DIP2B: variants seen among roughly 807,000 people sequenced by gnomAD.
DIP2B encodes DIP2 acetate--CoA ligase B (putative).
DIP2B carries 76 observed loss-of-function variants against 198.0 expected under a neutral mutation model. The ratio of observed to expected loss-of-function variants is 0.38; its 90% CI spans 0.32 to 0.46. The LOEUF is 0.46. Ranked by LOEUF, DIP2B falls within the 20% of genes least tolerant of loss-of-function variation. DIP2B has a pLI of 0.99. For synonymous variants in DIP2B, 701 were observed against 739.1 expected, an observed-to-expected ratio of 0.95 and a Z score of 0.84; for missense variants, 1,559 against 1,978.4, an observed-to-expected ratio of 0.79 and a Z score of 4.02.
chr12:50,709,522 C>T (rs1391875800), intron 22 of DIP2B, among the ~76,000 whole-genome samples: 1 of 151,934 alleles, frequency 6.6e-6, no homozygotes, highest in Non-Finnish European at 1.5e-5. Context: ...TCTGTAGTCC[C>T]AGCTACTCGG....
At chr12:50,520,007 G>T (rs1958101624) in intron 1 of DIP2B, among the ~76,000 whole-genome samples, 2 of 145,092 alleles carry the variant, frequency 1.4e-5, no homozygotes, top group South Asian at 4.3e-4. Flanking sequence ...AAATTTTATA[G>T]TGCTGACCAG....
At chr12:50,670,989 G>A (rs1938842365) in intron 4 of DIP2B, among the ~76,000 whole-genome samples, 197 bp from the exon 5 acceptor site, 1 of 152,230 alleles carries the variant, frequency 6.6e-6, no homozygotes, top group Non-Finnish European at 1.5e-5. Context: ...TACCTATGGA[G>A]TTAGGCTATT....
At chr12:50,644,177 G>C (rs1020527248) in intron 3 of DIP2B, among the ~76,000 whole-genome samples, 6 of 152,108 alleles carry the variant, frequency 3.9e-5, no homozygotes, top group Non-Finnish European at 5.9e-5. Flanking sequence ...TTGTGCTTTA[G>C]CCAAGAGGGA....
intron 37 of DIP2B, chr12:50,743,719 T>A (rs1403029107): frequency 1.3e-5 from 2 of 152,194 alleles, no homozygotes; most frequent in Non-Finnish European, 2.9e-5. Context: ...AAAGCTCTTA[T>A]GGGGCAAATA....
At chr12:50,646,632 G>A (rs1445643475) in intron 3 of DIP2B, among the ~76,000 whole-genome samples, 3 of 152,116 alleles carry the variant, frequency 2.0e-5, no homozygotes, top group Admixed American at 2.0e-4. Flanking sequence ...GTGTTGGCCA[G>A]GCTGGCCTCA....
intron 1 of DIP2B, among the ~76,000 whole-genome samples, chr12:50,545,690 T>TC (rs1329314698): frequency 1.3e-5 from 2 of 151,210 alleles, no homozygotes; most frequent in Admixed American, 1.3e-4. Context: ...TTTTTTTTTT[T>TC]CATAACGCTA....
chr12:50,711,568 G>C (rs1338916722), intron 22 of DIP2B, among the ~76,000 whole-genome samples: 1 of 151,610 alleles, frequency 6.6e-6, no homozygotes, highest in African/African-American at 2.4e-5. Flanking sequence ...TTGTTTGTTT[G>C]TTTTGTTTTT....
chr12:50,637,908 AAAC>A (rs1938187295), intron 2 of DIP2B, among the ~76,000 whole-genome samples: 1 of 152,204 alleles, frequency 6.6e-6, no homozygotes, highest in Non-Finnish European at 1.5e-5. Context: ...TACCATATTC[AAAC>A]AATAGAAACA....
In DIP2B at chr12:50,620,141, C is replaced by G. The variant is rs115623331; in HGVS notation, c.101-5835C>G. Among the ~76,000 whole-genome samples the G allele has an allele frequency of 7.1e-3, 1,083 of 152,322 alleles. 16 individuals carry two copies. The highest frequency in any genetic ancestry group is 0.025 in the African/African-American group (1,044 of 41,574). On this transcript the variant is annotated intron_variant, in intron 1 of 37. Transcript: ENST00000301180. ...TCTGTCTAGCTCAGACCCTTGAGCT[C>G]TTCACCACAGCAGTGTCACCCACCT...
intron 23 of DIP2B, among the ~76,000 whole-genome samples, 179 bp from the exon 24 acceptor site, chr12:50,718,530 C>T (rs548395295): frequency 8.6e-4 from 131 of 152,302 alleles, no homozygotes; most frequent in African/African-American, 3.0e-3. Flanking sequence ...TTCTTGGTTA[C>T]CCTTCTTCAG....
intron 1 of DIP2B, among the ~76,000 whole-genome samples, chr12:50,592,942 T>C (rs1438656053): frequency 6.6e-6 from 1 of 152,036 alleles, no homozygotes. Context: ...CTCTAGGCAC[T>C]GATGGCTGAC....
chr12:50,573,832 C>A lies in DIP2B; in HGVS notation c.101-52144C>A, dbSNP rs151118095. Among the ~76,000 whole-genome samples the A allele has an allele frequency of 1.3e-4, 20 of 152,258 alleles. No individual in the cohort carries two copies. The East Asian group carries it at 3.9e-3, about 29-fold the overall frequency. On this transcript the variant is annotated intron_variant, in intron 1 of 37. Transcript: ENST00000301180. ...GTATTTTGCATGAAATCACTAAATT[C>A]ATTTATTCAAATAATTTGTCTTAGG...
At chr12:50,619,569 G>A (rs1281173244) in intron 1 of DIP2B, among the ~76,000 whole-genome samples, 2 of 152,100 alleles carry the variant, frequency 1.3e-5, no homozygotes, top group Non-Finnish European at 2.9e-5. Context: ...GTCTCCCATG[G>A]CGCTTAATTA....
chr12:50,657,628 C>CA lies in DIP2B; in HGVS notation c.302-2555dup, dbSNP rs530054510. On this transcript the variant is annotated intron_variant, in intron 3 of 37. Transcript: ENST00000301180. ...GCAATGTAGTGACACCCCATCTTTA[C>CA]AAAAAAAAAAAGAAGAAGACAACAA... 8.5e-3 allele frequency among the ~76,000 whole-genome samples: 1,125 copies of CA among 132,680 alleles called. 21 individuals are homozygous for CA. The highest frequency in any genetic ancestry group is 0.027 in the African/African-American group (963 of 36,016). 87.0% of individuals were successfully genotyped at this position (132,680 alleles called of 152,430 possible). A position where few individuals can be genotyped will look rare whatever the true frequency, so the allele number is the denominator to read the frequency against.
Position 50,683,262 on chromosome 12 carries a change from A to C in DIP2B, c.1317+14A>C, listed in dbSNP as rs772657891. The stretch of plus-strand genomic sequence containing the variant: ...CTTACCAGAAAGGTAACATTGCTAA[A>C]TTTAAGAGGAATGTAGCCTGATGTG... On this transcript the variant is annotated intron_variant, in intron 10 of 37. Coordinates refer to ENST00000301180, the MANE Select transcript of DIP2B (RefSeq NM_173602.3). The C allele has an allele frequency of 4.3e-5, 69 of 1,596,416 alleles. 1 individual carries two copies. The highest frequency in any genetic ancestry group is 5.5e-5 in the Non-Finnish European group (64 of 1,167,890).
At chr12:50,631,030 T>G (rs1938041485) in intron 2 of DIP2B, among the ~76,000 whole-genome samples, 1 of 152,176 alleles carries the variant, frequency 6.6e-6, no homozygotes, top group Non-Finnish European at 1.5e-5. Context: ...CCTTCAACTA[T>G]CAGTTACTGT....
At chr12:50,736,975 T>A in intron 34 of DIP2B, 61 bp from the exon 35 acceptor site, 1 of 1,556,636 alleles carries the variant, frequency 6.4e-7, no homozygotes, top group Non-Finnish European at 8.8e-7. Flanking sequence ...TAACCGTGCG[T>A]TTCCTGGAGG....
chr12:50,669,726 A>G (rs1014110726), intron 4 of DIP2B, among the ~76,000 whole-genome samples: 4 of 152,264 alleles, frequency 2.6e-5, no homozygotes, highest in South Asian at 2.1e-4. Flanking sequence ...CATCCGGCCC[A>G]TTATTTTAAC....
intron 29 of DIP2B, 23 bp downstream of exon 29, chr12:50,727,835 GCC>G: frequency 6.3e-7 from 1 of 1,582,286 alleles, no homozygotes; most frequent in Admixed American, 1.7e-5. Context: ...CTGGAAAAAT[GCC>G]ACATCTGCCA....
Sources: allele counts gnomAD v4.1 joint callset (sites outside exome capture counted in the v4.1 genomes callset), GRCh38; gene constraint gnomAD v4.1.1; transcripts MANE v1.5; gene names NCBI Gene and HGNC (gene_info 2026-07-23, HGNC 2026-07-21).